MAP2: variants seen among roughly 807,000 people sequenced by gnomAD.
The protein encoded by MAP2 is microtubule-associated protein 2.
In MAP2, 14 loss-of-function variants were observed where a neutral mutation model predicts 137.6. That is an observed-to-expected ratio of 0.10 (90% CI 0.07 to 0.16). MAP2 has a LOEUF of 0.16. Ranked by LOEUF, MAP2 falls within the 10% of genes least tolerant of loss-of-function variation. MAP2 has a pLI of 1.00. For synonymous variants in MAP2, 786 were observed against 782.3 expected, an observed-to-expected ratio of 1.00 and a Z score of -0.08; for missense variants, 2,088 against 2,191.5, an observed-to-expected ratio of 0.95 and a Z score of 0.94.
chr2:209,661,839 T>G (rs1214781001), intron 5 of MAP2, among the ~76,000 whole-genome samples: 1 of 152,214 alleles, frequency 6.6e-6, no homozygotes, highest in Non-Finnish European at 1.5e-5. Flanking sequence ...TAAAGAATTG[T>G]GTCTTTTATT....
chr2:209,582,479 T>C (rs1205862308), intron 3 of MAP2, among the ~76,000 whole-genome samples: 2 of 152,090 alleles, frequency 1.3e-5, no homozygotes, highest in African/African-American at 4.8e-5. Context: ...TCCTAAATAC[T>C]ACTCCCAGGC....
At chr2:209,682,102 CT>C (rs1405891660) in intron 7 of MAP2, among the ~76,000 whole-genome samples, 2 of 151,980 alleles carry the variant, frequency 1.3e-5, no homozygotes, top group Non-Finnish European at 2.9e-5. Flanking sequence ...TCCTTTTGAC[CT>C]TATGTTTATC....
At chr2:209,689,011 A>C (rs934701956) in intron 7 of MAP2, among the ~76,000 whole-genome samples, 2 of 152,176 alleles carry the variant, frequency 1.3e-5, no homozygotes, top group African/African-American at 4.8e-5. Flanking sequence ...AATTAGGAAC[A>C]ATTGTAGTGG....
chr2:209,685,161 G>A (rs563006930), intron 7 of MAP2, among the ~76,000 whole-genome samples: 3 of 152,132 alleles, frequency 2.0e-5, no homozygotes, highest in South Asian at 2.1e-4. Context: ...CTGCAATCAC[G>A]GTTGCACTAC....
chr2:209,548,453 C>T (rs558929862), intron 2 of MAP2, among the ~76,000 whole-genome samples: 50 of 152,266 alleles, frequency 3.3e-4, no homozygotes, highest in African/African-American at 1.2e-3. Context: ...AAACAAATAG[C>T]AGAGCTTATG....
intron 2 of MAP2, among the ~76,000 whole-genome samples, chr2:209,536,462 G>A (rs920964142): frequency 3.3e-5 from 5 of 152,114 alleles, no homozygotes; most frequent in African/African-American, 1.2e-4. Context: ...CTTGACTCTT[G>A]TTCAGTCACA....
At chr2:209,640,377 A>G (rs2093924122) in intron 4 of MAP2, among the ~76,000 whole-genome samples, 1 of 152,120 alleles carries the variant, frequency 6.6e-6, no homozygotes, top group South Asian at 2.1e-4. Context: ...TAATTGCTTA[A>G]TGCATTAAAA....
chr2:209,520,560 A>G (rs34807931), intron 2 of MAP2, among the ~76,000 whole-genome samples: 3,742 of 152,110 alleles, frequency 0.025, 60 homozygotes, highest in South Asian at 0.07. Flanking sequence ...CAGCAGAAAT[A>G]TTATTTCATA....
At chr2:209,664,240 A>AT (rs1177324049) in intron 5 of MAP2, among the ~76,000 whole-genome samples, 2 of 152,224 alleles carry the variant, frequency 1.3e-5, no homozygotes, top group Non-Finnish European at 2.9e-5. Context: ...GCTAATACAT[A>AT]TTTTTTGAAT....
intron 2 of MAP2, among the ~76,000 whole-genome samples, chr2:209,534,509 T>C (rs187477478): frequency 6.6e-5 from 10 of 152,170 alleles, no homozygotes; most frequent in African/African-American, 2.4e-4. Flanking sequence ...TTTCTGGAGG[T>C]TTTCAAATTA....
At chr2:209,581,214 A>G (rs1018293409) in intron 3 of MAP2, among the ~76,000 whole-genome samples, 7 of 152,152 alleles carry the variant, frequency 4.6e-5, no homozygotes, top group Admixed American at 3.9e-4. Flanking sequence ...TATTCATTCC[A>G]CAAGCACTTC....
intron 6 of MAP2, 95 bp from the exon 7 acceptor site, chr2:209,680,655 G>A (rs2054171340): frequency 3.9e-6 from 4 of 1,027,246 alleles, no homozygotes; most frequent in Admixed American, 3.5e-5. Context: ...GAATTTTATA[G>A]AGAGGTCTTT....
At chr2:209,550,839 A>C (rs1308912343) in intron 2 of MAP2, among the ~76,000 whole-genome samples, 1 of 152,164 alleles carries the variant, frequency 6.6e-6, no homozygotes, top group Non-Finnish European at 1.5e-5. Flanking sequence ...AAGTAATTAA[A>C]ACTTCTCAAA....
intron 2 of MAP2, among the ~76,000 whole-genome samples, chr2:209,556,099 T>G (rs1341610851): frequency 6.7e-6 from 1 of 149,466 alleles, no homozygotes; most frequent in Non-Finnish European, 1.5e-5. Flanking sequence ...TGGAGTGCAG[T>G]GCACCATCAT....
intron 4 of MAP2, among the ~76,000 whole-genome samples, chr2:209,651,229 A>G (rs969824889): frequency 1.2e-4 from 19 of 152,114 alleles, no homozygotes; most frequent in Admixed American, 1.1e-3. Flanking sequence ...TAATTTTTCA[A>G]TGTACACAGG....
rs2153721360 is a variant in MAP2, at chr2:209,694,638, G to A, written c.2468G>A (p.Ser823Asn). Residue 823 changes from serine to asparagine, a missense_variant, in exon 8 of 16, where the codon AGT (serine) becomes AAT (asparagine). Physicochemically the swap from Ser to Asn is conservative, Grantham distance 46 (BLOSUM62 1). Transcript: ENST00000682079. ...ACAAGGTCAAGATTGGCTTCTGTGAGTGCAGATGCTGAGGTTGCCAGGAGG... is the reference window on the plus strand; with the variant it reads ...ACAAGGTCAAGATTGGCTTCTGTGAATGCAGATGCTGAGGTTGCCAGGAGG... ...AGTRSRLASV[S>N]ADAEVARRKS... The A allele has an allele frequency of 1.2e-6, 2 of 1,614,156 alleles. No individual in the cohort carries two copies. The highest frequency in any genetic ancestry group is 2.2e-5 in the East Asian group (1 of 44,874).
At position 209,733,664 on chromosome 2, in the gene MAP2, G is replaced by A. The variant is rs1411053860; in HGVS notation, c.*3267G>A. 1.3e-5 allele frequency: 2 copies of A among 151,988 alleles called. No homozygotes were observed. Among genetic ancestry groups the A allele is most frequent in the Non-Finnish European group, 2.9e-5 (2 of 68,000 alleles). 9.4% of individuals were successfully genotyped at this position (151,988 alleles called of 1,614,324 possible). The stretch of plus-strand genomic sequence containing the variant: ...TAAACTACTCATGGTCTAAATACTA[G>A]AGATAAAGTAGATTCATGGCTTGGT... On this transcript the variant is annotated 3_prime_UTR_variant, in exon 16 of 16. Coordinates refer to ENST00000682079, the MANE Select transcript of MAP2 (RefSeq NM_001375505.1).
chr2:209,429,622 G>A (rs879592259), intron 1 of MAP2, among the ~76,000 whole-genome samples: 1 of 152,062 alleles, frequency 6.6e-6, no homozygotes, highest in Admixed American at 6.6e-5. Flanking sequence ...ATAAAATACA[G>A]TGCTTGAATA....
At chr2:209,581,899 G>A (rs528944698) in intron 3 of MAP2, among the ~76,000 whole-genome samples, 119 of 152,100 alleles carry the variant, frequency 7.8e-4, no homozygotes, top group African/African-American at 2.7e-3. Context: ...TTCATCTAGC[G>A]GTATGCTGAC....
Sources: gnomAD v4.1 joint callset for allele counts (sites outside exome capture counted in the v4.1 genomes callset) on GRCh38, gnomAD v4.1.1 for gene constraint, MANE v1.5 for transcripts, NCBI Gene and HGNC (gene_info 2026-07-23, HGNC 2026-07-21) for gene names.